PBX3: variants seen among roughly 807,000 people sequenced by gnomAD.
PBX3 encodes the protein pre-B-cell leukemia transcription factor 3.
In PBX3, 14 loss-of-function variants were observed where a neutral mutation model predicts 48.5. The ratio of observed to expected loss-of-function variants is 0.29; its 90% CI spans 0.19 to 0.45. PBX3 has a LOEUF of 0.45. Ranked by LOEUF, PBX3 falls within the 20% of genes least tolerant of loss-of-function variation. PBX3 has a pLI of 1.00. For missense variants in PBX3, 386 were observed against 546.7 expected (o/e 0.71, Z 2.93); for synonymous variants, 210 against 200.3 (o/e 1.05, Z -0.41).
At chr9:125,800,097 C>A (rs1031942845) in intron 2 of PBX3, among the ~76,000 whole-genome samples, 2 of 152,230 alleles carry the variant, frequency 1.3e-5, no homozygotes, top group East Asian at 3.9e-4. Flanking sequence ...AATAAATAGA[C>A]CATCAGATCT....
intron 2 of PBX3, among the ~76,000 whole-genome samples, chr9:125,749,732 GCAAA>G (rs1836318162): frequency 6.6e-6 from 1 of 152,118 alleles, no homozygotes; most frequent in Non-Finnish European, 1.5e-5. Context: ...ATAGCACAGT[GCAAA>G]TAATTGTTAG....
At chr9:125,756,769 C>T (rs1423764401) in intron 2 of PBX3, among the ~76,000 whole-genome samples, 1 of 152,118 alleles carries the variant, frequency 6.6e-6, no homozygotes, top group African/African-American at 2.4e-5. Context: ...ATGAGTTTCT[C>T]CTGAGACAAA....
intron 2 of PBX3, chr9:125,865,440 T>C (rs1234323193): frequency 6.2e-6 from 1 of 160,746 alleles, no homozygotes; most frequent in African/African-American, 2.4e-5. Context: ...AAATTATAGA[T>C]TGTGGCCTTA....
At chr9:125,960,267 C>G (rs907744287) in intron 5 of PBX3, among the ~76,000 whole-genome samples, 1 of 152,148 alleles carries the variant, frequency 6.6e-6, no homozygotes, top group Non-Finnish European at 1.5e-5. Flanking sequence ...TATACAGCTG[C>G]CAAAATTGTT....
intron 3 of PBX3, among the ~76,000 whole-genome samples, chr9:125,916,213 C>T (rs1298946414): frequency 5.3e-5 from 8 of 152,198 alleles, no homozygotes; most frequent in African/African-American, 1.9e-4. Flanking sequence ...TCTTCCCTCT[C>T]ACCTCACCAC....
intron 2 of PBX3, among the ~76,000 whole-genome samples, chr9:125,859,617 T>C (rs1839810416): frequency 6.6e-6 from 1 of 152,214 alleles, no homozygotes; most frequent in Admixed American, 6.5e-5. Flanking sequence ...CATTTGAATT[T>C]GGAGCTTTGT....
At chr9:125,751,128 T>C (rs1026056591) in intron 2 of PBX3, among the ~76,000 whole-genome samples, 12 of 152,222 alleles carry the variant, frequency 7.9e-5, no homozygotes, top group Non-Finnish European at 1.8e-4. Context: ...TTATTTAATC[T>C]AATAATACCT....
chr9:125,754,453 T>G (rs1836456563), intron 2 of PBX3, among the ~76,000 whole-genome samples: 1 of 152,238 alleles, frequency 6.6e-6, no homozygotes, highest in South Asian at 2.1e-4. Flanking sequence ...ACTAGCTATC[T>G]GATTTTTTAC....
intron 2 of PBX3, among the ~76,000 whole-genome samples, chr9:125,787,587 A>G (rs907134865): frequency 2.6e-5 from 4 of 152,188 alleles, no homozygotes; most frequent in African/African-American, 9.7e-5. Context: ...TGCTTGGCAA[A>G]TGAGAGAAAA....
At chr9:125,750,093 G>A (rs1343937005) in intron 2 of PBX3, among the ~76,000 whole-genome samples, 1 of 152,182 alleles carries the variant, frequency 6.6e-6, no homozygotes, top group Non-Finnish European at 1.5e-5. Context: ...AAGATTCTTA[G>A]TTTAGAAGCT....
intron 2 of PBX3, among the ~76,000 whole-genome samples, chr9:125,907,576 C>G (rs1270422940): frequency 6.6e-6 from 1 of 151,902 alleles, no homozygotes; most frequent in Non-Finnish European, 1.5e-5. Context: ...CATAGTGATT[C>G]TTGAGTTCGT....
At chr9:125,827,464 A>G (rs770668967) in intron 2 of PBX3, among the ~76,000 whole-genome samples, 2 of 152,136 alleles carry the variant, frequency 1.3e-5, no homozygotes, top group Admixed American at 1.3e-4. Context: ...TATTCTTCTC[A>G]TGTGAAAAAT....
At chr9:125,880,103 G>A (rs1329654145) in intron 2 of PBX3, among the ~76,000 whole-genome samples, 1 of 152,192 alleles carries the variant, frequency 6.6e-6, no homozygotes, top group Non-Finnish European at 1.5e-5. Context: ...GGAGTACAGT[G>A]GTGCAATCTC....
At chr9:125,757,105 G>C (rs1836538597) in intron 2 of PBX3, among the ~76,000 whole-genome samples, 1 of 152,102 alleles carries the variant, frequency 6.6e-6, no homozygotes, top group Admixed American at 6.5e-5. Context: ...TGAAATTCTT[G>C]AATGGCATTT....
intron 2 of PBX3, among the ~76,000 whole-genome samples, chr9:125,812,583 C>A (rs780781025): frequency 1.7e-4 from 26 of 152,204 alleles, no homozygotes; most frequent in Non-Finnish European, 3.7e-4. Context: ...GTTTTCAGTT[C>A]CCCTTCCTGC....
chr9:125,753,068 C>A lies in PBX3; in HGVS notation c.274+4445C>A, dbSNP rs908353638. On this transcript the variant is annotated intron_variant, in intron 2 of 8. Transcript: ENST00000373489. ...CAGCAATTAGCAATACTTGGCCAGT[C>A]GTGTTTTCTCTGTAATTCCCACCAT... Among the ~76,000 whole-genome samples the A allele has an allele frequency of 2.6e-5, 4 of 152,154 alleles. No individual in the cohort carries two copies. In the South Asian group the frequency reaches 8.3e-4, roughly 32 times the overall value.
At chr9:125,964,891 C>T (rs3793622) in intron 8 of PBX3, among the ~76,000 whole-genome samples, 86,401 of 152,046 alleles carry the variant, frequency 0.57, 27,286 homozygotes, top group Middle Eastern at 0.72. Context: ...ATGACCCACC[C>T]TGACATTGGT....
At chr9:125,892,601 G>C (rs1840675265) in intron 2 of PBX3, among the ~76,000 whole-genome samples, 1 of 152,098 alleles carries the variant, frequency 6.6e-6, no homozygotes, top group South Asian at 2.1e-4. Flanking sequence ...TACAAAGTAG[G>C]TGGCCTGAAG....
chr9:125,918,251 G>A (rs60275818), intron 3 of PBX3, among the ~76,000 whole-genome samples: 3,535 of 152,256 alleles, frequency 0.023, 144 homozygotes, highest in African/African-American at 0.081. Flanking sequence ...GTTGTGTGAA[G>A]CTGGTGTCAG....
Sources: allele counts gnomAD v4.1 joint callset (sites outside exome capture counted in the v4.1 genomes callset), GRCh38; gene constraint gnomAD v4.1.1; transcripts MANE v1.5; gene names NCBI Gene and HGNC (gene_info 2026-07-23, HGNC 2026-07-21).